CTBP2: variants seen among roughly 807,000 people sequenced by gnomAD.
CTBP2 encodes the protein C-terminal binding protein 2.
Under a neutral mutation model 80.3 loss-of-function variants are expected in CTBP2, and 30 were observed. The observed-to-expected ratio is 0.37, with a 90% CI of 0.28 to 0.51. CTBP2 has a LOEUF of 0.51. Ranked by LOEUF, CTBP2 falls within the 20% of genes least tolerant of loss-of-function variation. CTBP2 has a pLI of 0.93. For missense variants in CTBP2, 1,212 were observed against 1,375.3 expected, an observed-to-expected ratio of 0.88 and a Z score of 1.88; for synonymous variants, 594 against 587.4, an observed-to-expected ratio of 1.01 and a Z score of -0.16.
chr10:125,062,586 G>A (rs946878775), intron 2 of CTBP2, among the ~76,000 whole-genome samples: 3 of 152,286 alleles, frequency 2.0e-5, no homozygotes, highest in Non-Finnish European at 4.4e-5. Flanking sequence ...CGGAGGGACC[G>A]GGTGCGGTAG....
At chr10:125,021,579 G>A (rs1957041314) in intron 1 of CTBP2, among the ~76,000 whole-genome samples, 2 of 152,162 alleles carry the variant, frequency 1.3e-5, no homozygotes, top group African/African-American at 4.8e-5. Flanking sequence ...GAATACTTCA[G>A]GGCAGCAACG....
In CTBP2 at chr10:124,992,209, CTTTTTTTTTT is replaced by C. The variant is rs61400691; in HGVS notation, c.2777+476_2777+485del. On this transcript the variant is annotated intron_variant, in intron 8 of 8. Coordinates refer to ENST00000309035, the MANE Select transcript of CTBP2 (RefSeq NM_022802.3). ...CGTATACCTTTCTCTTTGAGAAGCC[CTTTTTTTTTT>C]TTTTTTTTTGGTGGTGGGGTGGGGT... 1.9e-4 allele frequency among the ~76,000 whole-genome samples: 19 copies of C among 102,520 alleles called. No homozygotes were observed. In the South Asian group the frequency reaches 7.1e-3, roughly 38 times the overall value. 67.3% of individuals were successfully genotyped at this position (102,520 alleles called of 152,430 possible). A position where few individuals can be genotyped will look rare whatever the true frequency, so the allele number is the denominator to read the frequency against.
chr10:125,092,418 T>A (rs1848911928), intron 2 of CTBP2, among the ~76,000 whole-genome samples: 1 of 152,102 alleles, frequency 6.6e-6, no homozygotes, highest in Admixed American at 6.5e-5. Context: ...TGACCTCAAG[T>A]GATCCATCCT....
intron 3 of CTBP2, chr10:124,998,848 C>A: frequency 6.5e-6 from 1 of 154,616 alleles, no homozygotes; most frequent in Non-Finnish European, 1.4e-5. Context: ...AGGTCAGGGC[C>A]GAGGGTGGCT....
chr10:125,142,552 G>A (rs1034627829), intron 1 of CTBP2, among the ~76,000 whole-genome samples: 4 of 152,184 alleles, frequency 2.6e-5, no homozygotes, highest in Non-Finnish European at 5.9e-5. Context: ...GCAACCACCC[G>A]GTGGCGACGC....
intron 1 of CTBP2, among the ~76,000 whole-genome samples, chr10:125,025,056 G>A (rs1957401175): frequency 6.6e-6 from 1 of 152,148 alleles, no homozygotes; most frequent in Admixed American, 6.5e-5. Flanking sequence ...GTGAGGTCCA[G>A]CGCCTCGGTC....
intron 1 of CTBP2, among the ~76,000 whole-genome samples, chr10:125,115,721 T>C (rs1409988219): frequency 6.6e-6 from 1 of 152,156 alleles, no homozygotes; most frequent in Non-Finnish European, 1.5e-5. Flanking sequence ...AGCACAAGAA[T>C]CCAATAGTCC....
intron 2 of CTBP2, among the ~76,000 whole-genome samples, chr10:125,082,950 A>G (rs2135575933): frequency 6.6e-6 from 1 of 152,296 alleles, no homozygotes; most frequent in East Asian, 1.9e-4. Context: ...CTACTCCAGA[A>G]AATTCAGCTC....
chr10:125,151,890 G>C (rs2133416716), intron 1 of CTBP2, among the ~76,000 whole-genome samples: 1 of 152,338 alleles, frequency 6.6e-6, no homozygotes, highest in African/African-American at 2.4e-5. Flanking sequence ...AAAGGCCAGC[G>C]GGAGGAAGGA....
intron 2 of CTBP2, among the ~76,000 whole-genome samples, chr10:125,052,435 C>A (rs1434738758): frequency 6.6e-6 from 1 of 152,168 alleles, no homozygotes; most frequent in Non-Finnish European, 1.5e-5. Context: ...AGGGGAGAGA[C>A]CCAGGAGGGA....
intron 1 of CTBP2, among the ~76,000 whole-genome samples, chr10:125,111,587 G>C (rs1187562260): frequency 6.6e-6 from 1 of 152,136 alleles, no homozygotes; most frequent in African/African-American, 2.4e-5. Context: ...ATTAATAGAA[G>C]GCATTTTAAC....
At position 125,139,782 on chromosome 10, in the gene CTBP2, C is replaced by T. The variant is rs7079922; in HGVS notation, c.-206+20537G>A. On this transcript the variant is annotated intron_variant, in intron 1 of 10. Transcript: ENST00000337195. The stretch of plus-strand genomic sequence containing the variant: ...GGGTTCTGGGAAAGCATCCTGTATC[C>T]AGGACACCATGAGGCCTTGTGGCTG... Among the ~76,000 whole-genome samples the T allele has an allele frequency of 4.5e-3, 686 of 152,256 alleles. 4 individuals are homozygous for T. The highest frequency in any genetic ancestry group is 0.015 in the African/African-American group (641 of 41,552).
chr10:125,038,041 C>A (rs1341707971), intron 3 of CTBP2, among the ~76,000 whole-genome samples: 7 of 152,130 alleles, frequency 4.6e-5, no homozygotes, highest in Non-Finnish European at 7.4e-5. Flanking sequence ...TATACTGAAC[C>A]CCAGGAATGT....
chr10:125,048,915 A>G (rs1286849642), intron 2 of CTBP2, among the ~76,000 whole-genome samples: 1 of 152,212 alleles, frequency 6.6e-6, no homozygotes, highest in Non-Finnish European at 1.5e-5. Context: ...ATCTTAAGAT[A>G]TACAACTTTT....
chr10:125,093,393 T>A (rs2135714328), intron 2 of CTBP2, among the ~76,000 whole-genome samples: 1 of 152,344 alleles, frequency 6.6e-6, no homozygotes, highest in East Asian at 1.9e-4. Context: ...TCTAGCCACT[T>A]CTTTGTATAT....
intron 1 of CTBP2, among the ~76,000 whole-genome samples, chr10:125,129,701 T>C (rs10510141): frequency 0.083 from 12,600 of 152,170 alleles, 630 homozygotes; most frequent in Middle Eastern, 0.13. Context: ...GCTGGGAACA[T>C]TTTATTCAGA....
chr10:125,032,632 C>T (rs1422647943), upstream of CTBP2, among the ~76,000 whole-genome samples: 3 of 152,204 alleles, frequency 2.0e-5, no homozygotes, highest in East Asian at 3.8e-4. Flanking sequence ...ACCTGCGGAG[C>T]GGAGCGCACC....
At chr10:125,028,188 C>G (rs1433637400), upstream of CTBP2, among the ~76,000 whole-genome samples, 1 of 152,164 alleles carries the variant, frequency 6.6e-6, no homozygotes, top group African/African-American at 2.4e-5. Flanking sequence ...ATCCAGCCCT[C>G]CCAAGCTGCA....
chr10:125,064,725 C>T (rs1197284024), intron 2 of CTBP2, among the ~76,000 whole-genome samples: 3 of 152,196 alleles, frequency 2.0e-5, no homozygotes, highest in Admixed American at 2.0e-4. Context: ...CACCCATTCC[C>T]GCCACGCCAG....
Sources: allele counts gnomAD v4.1 joint callset (sites outside exome capture counted in the v4.1 genomes callset), GRCh38; gene constraint gnomAD v4.1.1; transcripts MANE v1.5; gene names NCBI Gene and HGNC (gene_info 2026-07-23, HGNC 2026-07-21).